Variants in CDYL2 observed in about 807,000 individuals in gnomAD.
CDYL2 encodes chromodomain Y-like protein 2.
In CDYL2, 23 loss-of-function variants were observed where a neutral mutation model predicts 49.4. The ratio of observed to expected loss-of-function variants is 0.47; its 90% CI spans 0.34 to 0.66. The LOEUF (loss-of-function observed/expected upper bound fraction) is 0.66, where lower values mean the gene tolerates loss of function less well. CDYL2 is among the 30% of genes least tolerant of loss of function. The pLI is 0.01. For synonymous variants in CDYL2, 360 were observed against 268.8 expected (o/e 1.34, Z -3.32); for missense variants, 678 against 656.4 (o/e 1.03, Z -0.36).
At chr16:80,650,484 A>T (rs903570463) in intron 2 of CDYL2, among the ~76,000 whole-genome samples, 32 of 152,182 alleles carry the variant, frequency 2.1e-4, no homozygotes, top group Admixed American at 7.2e-4. Context: ...GCAGGAGAGG[A>T]TGTGGAGAAA....
chr16:80,620,017 G>C (rs1010298155), intron 4 of CDYL2, among the ~76,000 whole-genome samples: 10 of 152,264 alleles, frequency 6.6e-5, no homozygotes, highest in African/African-American at 2.2e-4. Context: ...TGTGACCAGG[G>C]GCATTCCTGA....
chr16:80,618,775 G>A (rs1457527939), intron 4 of CDYL2, among the ~76,000 whole-genome samples: 1 of 152,174 alleles, frequency 6.6e-6, no homozygotes, highest in African/African-American at 2.4e-5. Context: ...ATCCAGCAAA[G>A]GTGAAGAGCT....
chr16:80,771,519 C>G (rs1481281890), intron 1 of CDYL2, among the ~76,000 whole-genome samples: 2 of 152,202 alleles, frequency 1.3e-5, no homozygotes, highest in Admixed American at 1.3e-4. Context: ...GCCTGGCCAA[C>G]ATGGTGAAAC....
chr16:80,695,512 T>C (rs1400088394), intron 1 of CDYL2, among the ~76,000 whole-genome samples: 1 of 152,182 alleles, frequency 6.6e-6, no homozygotes, highest in Non-Finnish European at 1.5e-5. Flanking sequence ...AGAAATTCAC[T>C]TCACCTGTAA....
At chr16:80,619,746 C>T (rs1906993389) in intron 4 of CDYL2, among the ~76,000 whole-genome samples, 2 of 152,234 alleles carry the variant, frequency 1.3e-5, no homozygotes, top group African/African-American at 4.8e-5. Context: ...GATTCTGCAA[C>T]AGGAAACACA....
In CDYL2 at chr16:80,744,156, C is replaced by G. The variant is rs114889703; in HGVS notation, c.25-59027G>C. Among the ~76,000 whole-genome samples the G allele has an allele frequency of 5.5e-3, 841 of 152,252 alleles. 10 individuals carry two copies. The highest frequency in any genetic ancestry group is 0.019 in the African/African-American group (798 of 41,532). On this transcript the variant is annotated intron_variant, in intron 1 of 6. Transcript: ENST00000570137. ...ACTCATCAAAGCTACACAGAAGCAGCAAAAGACTGAGATCAGATCAGTGTG... is the reference window on the plus strand; with the variant it reads ...ACTCATCAAAGCTACACAGAAGCAGGAAAAGACTGAGATCAGATCAGTGTG...
chr16:80,653,698 A>C (rs1162744631), intron 2 of CDYL2, among the ~76,000 whole-genome samples: 1 of 152,184 alleles, frequency 6.6e-6, no homozygotes, highest in African/African-American at 2.4e-5. Flanking sequence ...AGTTACAAAC[A>C]ATCTAGTTAC....
At chr16:80,676,279 T>A (rs539895485) in intron 2 of CDYL2, among the ~76,000 whole-genome samples, 1 of 152,226 alleles carries the variant, frequency 6.6e-6, no homozygotes, top group African/African-American at 2.4e-5. Context: ...TGTTACTGAC[T>A]TGGAAAAATC....
chr16:80,624,169 T>C (rs186074589), intron 3 of CDYL2, among the ~76,000 whole-genome samples: 3 of 152,304 alleles, frequency 2.0e-5, no homozygotes, highest in African/African-American at 4.8e-5. Flanking sequence ...CTCAAGGCAG[T>C]TGGCCAGGCT....
chr16:80,761,790 G>A (rs974876116), intron 1 of CDYL2, among the ~76,000 whole-genome samples: 1 of 151,610 alleles, frequency 6.6e-6, no homozygotes, highest in Non-Finnish European at 1.5e-5. Context: ...AGAAGATGCT[G>A]GGAAAACTAC....
intron 2 of CDYL2, among the ~76,000 whole-genome samples, chr16:80,665,494 G>A (rs1377360395): frequency 2.8e-5 from 3 of 108,310 alleles, no homozygotes; most frequent in African/African-American, 1.2e-4. Context: ...AGTAATTGAG[G>A]TTTTTGCCAT....
At chr16:80,620,972 T>A (rs2142376194) in intron 3 of CDYL2, 37 bp from the exon 4 acceptor site, 1 of 1,538,690 alleles carries the variant, frequency 6.5e-7, no homozygotes, top group East Asian at 2.4e-5. Flanking sequence ...ATGTTAAGTG[T>A]CTATCCTGTA....
intron 1 of CDYL2, among the ~76,000 whole-genome samples, chr16:80,691,280 G>A (rs879653144): frequency 8.5e-5 from 13 of 152,324 alleles, no homozygotes; most frequent in African/African-American, 2.9e-4. Context: ...GGGGTATGAA[G>A]TCCTCAGGAA....
intron 6 of CDYL2, among the ~76,000 whole-genome samples, chr16:80,607,748 T>C (rs560673010): frequency 3.2e-4 from 49 of 152,328 alleles, no homozygotes; most frequent in African/African-American, 1.2e-3. Flanking sequence ...ATACTTTTTA[T>C]CCTTATTGGC....
intron 2 of CDYL2, among the ~76,000 whole-genome samples, chr16:80,683,452 G>A (rs1186010410): frequency 6.6e-6 from 1 of 152,244 alleles, no homozygotes; most frequent in Non-Finnish European, 1.5e-5. Flanking sequence ...AACTACATGG[G>A]TCATCACCTC....
chr16:80,757,676 CA>C (rs1411654227), intron 1 of CDYL2, among the ~76,000 whole-genome samples: 3 of 150,478 alleles, frequency 2.0e-5, no homozygotes, highest in African/African-American at 7.3e-5. Context: ...ATATATTTAA[CA>C]GGGAAAGGTA....
rs1295444262 is a variant in CDYL2 at position 80,602,822 on chromosome 16, A to C, written c.*1566T>G. The stretch of plus-strand genomic sequence containing the variant: ...ATCCCTCCATCCTGAGAATCTGAGA[A>C]TCTAGCTTTTTCTGGGTGCTTGACC... On this transcript the variant is annotated 3_prime_UTR_variant, in exon 7 of 7. Coordinates refer to ENST00000570137, the MANE Select transcript of CDYL2 (RefSeq NM_152342.4). 2 of 152,224 alleles carry C rather than the reference A, an allele frequency of 1.3e-5. No individual in the cohort carries two copies. Among genetic ancestry groups the C allele is most frequent in the Non-Finnish European group, 2.9e-5 (2 of 68,064 alleles). The allele number at this position is 152,224 out of a possible 1,614,324, so 9.4% of individuals were successfully genotyped here.
chr16:80,742,015 C>T (rs923182735), intron 1 of CDYL2: 1 of 152,240 alleles, frequency 6.6e-6, no homozygotes, highest in Non-Finnish European at 1.5e-5. Flanking sequence ...TTACTAGGCA[C>T]AGTTCTATGC....
At chr16:80,630,253 G>C (rs1388063460) in intron 3 of CDYL2, among the ~76,000 whole-genome samples, 2 of 152,194 alleles carry the variant, frequency 1.3e-5, no homozygotes, top group African/African-American at 4.8e-5. Flanking sequence ...GATTAGGGCA[G>C]GAACCCCAAT....
Sources: gnomAD v4.1 joint callset for allele counts (sites outside exome capture counted in the v4.1 genomes callset) on GRCh38, gnomAD v4.1.1 for gene constraint, MANE v1.5 for transcripts, NCBI Gene and HGNC (gene_info 2026-07-23, HGNC 2026-07-21) for gene names.